The following EXOC2 variants were observed in gnomAD, a reference collection of about 807,000 sequenced individuals.
The protein encoded by EXOC2 is exocyst complex component 2.
A neutral mutation model predicts 131.8 loss-of-function variants in EXOC2; 70 were observed. The observed-to-expected ratio is 0.53, with a 90% CI of 0.44 to 0.65. The LOEUF (loss-of-function observed/expected upper bound fraction) is 0.65, where lower values mean the gene tolerates loss of function less well. Ranked by LOEUF, EXOC2 falls within the 30% of genes least tolerant of loss-of-function variation. The pLI, the probability that EXOC2 is intolerant of heterozygous loss-of-function variation, is 0.00. For synonymous variants in EXOC2, 411 were observed against 398.4 expected, an observed-to-expected ratio of 1.03 and a Z score of -0.38; for missense variants, 923 against 1,108.6, an observed-to-expected ratio of 0.83 and a Z score of 2.38.
intron 1 of EXOC2, among the ~76,000 whole-genome samples, chr6:680,299 T>C (rs1477534933): frequency 6.6e-6 from 1 of 152,212 alleles, no homozygotes; most frequent in Admixed American, 6.5e-5. Context: ...GCAGTTGATG[T>C]GTTAGAATCA....
At chr6:558,735 C>T (rs1366853108) in intron 17 of EXOC2, among the ~76,000 whole-genome samples, 1 of 151,990 alleles carries the variant, frequency 6.6e-6, no homozygotes, top group Non-Finnish European at 1.5e-5. Flanking sequence ...ATCACTTGAA[C>T]CAGGGAGGCA....
Position 495,873 on chromosome 6 carries a change from C to CGCGT in EXOC2, c.2559+1493_2559+1494insACGC, listed in dbSNP as rs1763705053. ...TGCTGGATATTGAGACATTGTCCCA[C>CGCGT]GGGTCGAGAGCTCCGCTTGCTTTTT... On this transcript the variant is annotated intron_variant, in intron 25 of 27. Coordinates refer to ENST00000230449, the MANE Select transcript of EXOC2 (RefSeq NM_018303.6). Among the ~76,000 whole-genome samples, 2 of 151,872 alleles carry CGCGT rather than the reference C, an allele frequency of 1.3e-5. 1 individual carries two copies. Among genetic ancestry groups the CGCGT allele is most frequent in the Non-Finnish European group, 2.9e-5 (2 of 68,022 alleles).
chr6:538,423 G>A lies in EXOC2; in HGVS notation c.2239-5813C>T, dbSNP rs1292123798. 2.0e-5 allele frequency among the ~76,000 whole-genome samples: 3 copies of A among 152,292 alleles called. No homozygotes were observed. The East Asian group carries it at 5.8e-4, about 29-fold the overall frequency. On this transcript the variant is annotated intron_variant, in intron 22 of 27. Coordinates refer to ENST00000230449, the MANE Select transcript of EXOC2 (RefSeq NM_018303.6). Reference sequence around the variant, plus strand: ...CTACCATTAATCGCTATCTGAGAGTGAGGAAGAAAGATTAACTTTAAAAAC... The same window carrying A: ...CTACCATTAATCGCTATCTGAGAGTAAGGAAGAAAGATTAACTTTAAAAAC...
chr6:545,248 A>G (rs1458918931), intron 22 of EXOC2, among the ~76,000 whole-genome samples: 1 of 152,020 alleles, frequency 6.6e-6, no homozygotes, highest in Non-Finnish European at 1.5e-5. Context: ...ATCTGGAAGT[A>G]TACAAATTCT....
chr6:545,353 C>T (rs1211506631), intron 22 of EXOC2, among the ~76,000 whole-genome samples: 1 of 152,130 alleles, frequency 6.6e-6, no homozygotes, highest in African/African-American at 2.4e-5. Context: ...ATACCTACCA[C>T]AATAAAATTA....
chr6:551,085 G>A (rs923775539), intron 21 of EXOC2, among the ~76,000 whole-genome samples: 4 of 152,196 alleles, frequency 2.6e-5, no homozygotes, highest in African/African-American at 4.8e-5. Flanking sequence ...ACTCTGGACC[G>A]TGGATGACTA....
chr6:559,569 T>C (rs1358255099), intron 17 of EXOC2, among the ~76,000 whole-genome samples: 1 of 152,150 alleles, frequency 6.6e-6, no homozygotes, highest in Admixed American at 6.5e-5. Flanking sequence ...AGTTCTTTCG[T>C]CCCTGCAGAT....
intron 3 of EXOC2, among the ~76,000 whole-genome samples, chr6:632,733 G>C (rs533179484): frequency 6.6e-6 from 1 of 152,234 alleles, no homozygotes; most frequent in Non-Finnish European, 1.5e-5. Flanking sequence ...TCATCCTTAG[G>C]CTTCACTGAC....
At chr6:656,285 G>GTT (rs1412204643) in intron 1 of EXOC2, 27 of 1,614,072 alleles carry the variant, frequency 1.7e-5, no homozygotes, top group Non-Finnish European at 2.3e-5. Flanking sequence ...CCAGGTCTCT[G>GTT]TTTTCAGGCA....
At chr6:547,554 A>G (rs1380998679) in intron 22 of EXOC2, among the ~76,000 whole-genome samples, 1 of 152,222 alleles carries the variant, frequency 6.6e-6, no homozygotes, top group Non-Finnish European at 1.5e-5. Context: ...AACTATGAAA[A>G]ACAGTGGCAG....
chr6:546,944 A>G lies in EXOC2; in HGVS notation c.2238+2231T>C, dbSNP rs182449466. ...GGGTCAACTGTATTATCATGAGACCAGTTTTATTCTTTAAGATGCATGGTG... is the reference window on the plus strand; with the variant it reads ...GGGTCAACTGTATTATCATGAGACCGGTTTTATTCTTTAAGATGCATGGTG... On this transcript the variant is annotated intron_variant, in intron 22 of 27. Transcript: ENST00000230449. 1.7e-3 allele frequency among the ~76,000 whole-genome samples: 254 copies of G among 152,296 alleles called. 3 individuals are homozygous for G. Among genetic ancestry groups the G allele is most frequent in the African/African-American group, 5.9e-3 (244 of 41,562 alleles).
chr6:664,761 C>T (rs1333485933), intron 1 of EXOC2, among the ~76,000 whole-genome samples: 3 of 152,136 alleles, frequency 2.0e-5, no homozygotes, highest in African/African-American at 4.8e-5. Context: ...ACTGGATCCT[C>T]GTCTCTCACC....
At chr6:613,356 G>C (rs373651133) in intron 6 of EXOC2, among the ~76,000 whole-genome samples, 2 of 152,050 alleles carry the variant, frequency 1.3e-5, no homozygotes, top group African/African-American at 4.8e-5. Flanking sequence ...ATGGAATACC[G>C]GGTTGGGATG....
intron 22 of EXOC2, among the ~76,000 whole-genome samples, chr6:540,154 C>G (rs997166846): frequency 2.6e-5 from 4 of 152,124 alleles, no homozygotes; most frequent in Admixed American, 6.5e-5. Context: ...GGGGTTTCAC[C>G]ATGTTGGCCA....
Position 650,658 on chromosome 6 carries a change from G to T in EXOC2, c.-43-12797C>A, listed in dbSNP as rs1180682323. Among the ~76,000 whole-genome samples, 11 of 152,140 alleles carry T rather than the reference G, an allele frequency of 7.2e-5. No homozygotes were observed. The East Asian group carries it at 2.1e-3, about 29-fold the overall frequency. On this transcript the variant is annotated intron_variant, in intron 1 of 27. Coordinates refer to ENST00000230449, the MANE Select transcript of EXOC2 (RefSeq NM_018303.6). ...TTCAAAAGCTACATTACAAAACTAG[G>T]CTATAAAACTTTTGATAGATACTCC...
At chr6:561,429 G>A (rs185422392) in intron 17 of EXOC2, among the ~76,000 whole-genome samples, 4 of 152,264 alleles carry the variant, frequency 2.6e-5, no homozygotes, top group East Asian at 1.9e-4. Flanking sequence ...ACCAAGGCAC[G>A]ACTATATAGA....
At chr6:531,861 GATCA>G (rs1392366390) in intron 23 of EXOC2, among the ~76,000 whole-genome samples, 2 of 152,180 alleles carry the variant, frequency 1.3e-5, no homozygotes, top group African/African-American at 4.8e-5. Context: ...ACAACTATTT[GATCA>G]ATCAAAAGTT....
chr6:680,136 C>T (rs1764335600), intron 1 of EXOC2, among the ~76,000 whole-genome samples: 1 of 152,148 alleles, frequency 6.6e-6, no homozygotes, highest in African/African-American at 2.4e-5. Context: ...GTTTTAGCTG[C>T]CTCTCCCCTT....
At chr6:653,075 CAG>C (rs1762905013) in intron 1 of EXOC2, among the ~76,000 whole-genome samples, 1 of 152,114 alleles carries the variant, frequency 6.6e-6, no homozygotes, top group South Asian at 2.1e-4. Context: ...TCATATGAGA[CAG>C]GGAACTTAAT....
Sources: gnomAD v4.1 joint callset for allele counts (sites outside exome capture counted in the v4.1 genomes callset) on GRCh38, gnomAD v4.1.1 for gene constraint, MANE v1.5 for transcripts, NCBI Gene and HGNC (gene_info 2026-07-23, HGNC 2026-07-21) for gene names.